Variants in XYLT1 observed in about 807,000 individuals in gnomAD.
XYLT1 encodes the protein beta-D-xylosyltransferase 1.
In XYLT1, 36 loss-of-function variants were observed where a neutral mutation model predicts 91.3. The ratio of observed to expected loss-of-function variants is 0.39; its 90% CI spans 0.30 to 0.52. The LOEUF (loss-of-function observed/expected upper bound fraction) is 0.52. XYLT1 is among the 20% of genes least tolerant of loss of function. XYLT1 has a pLI of 0.68. For missense variants in XYLT1, 1,242 were observed against 1,284.5 expected (o/e 0.97, Z 0.51); for synonymous variants, 588 against 532.0 (o/e 1.11, Z -1.45).
At position 17,200,509 on chromosome 16, in the gene XYLT1, G is replaced by A. The variant is rs2032519405; in HGVS notation, c.1059C>T (p.Asp353=). ...QRMFKAIYHK[D]HFYYIHVDKR... ...TGTCCACGTGGATGTAGTAGAAGTG[G>A]TCTTTGTGGTAGATGGCCTTGAACA... The change falls in exon 4 of 12, where the codon GAC becomes GAT. Residue 353 remains aspartate, a synonymous_variant. Transcript: ENST00000261381. 6.2e-7 allele frequency: 1 copy of A among 1,613,998 alleles called. No homozygotes were observed. The highest frequency in any genetic ancestry group is 1.1e-5 in the South Asian group (1 of 91,086).
Position 17,107,082 on chromosome 16 carries a change from A to AT in XYLT1, c.*1612dup, listed in dbSNP as rs1966787480. On this transcript the variant is annotated 3_prime_UTR_variant, in exon 12 of 12. Coordinates refer to ENST00000261381, the MANE Select transcript of XYLT1 (RefSeq NM_022166.4). ...CAAGCTGCAAAAACAGCACCTACTA[A>AT]TTAGTCATCGACTAAAACATGTAAA... The AT allele has an allele frequency of 6.6e-6, 1 of 152,166 alleles. No individual in the cohort carries two copies. Among genetic ancestry groups the AT allele is most frequent in the Non-Finnish European group, 1.5e-5 (1 of 68,028 alleles). The allele number at this position is 152,166 out of a possible 1,614,324, so 9.4% of individuals were successfully genotyped here. A position where few individuals can be genotyped will look rare whatever the true frequency, so the allele number is the denominator to read the frequency against.
At chr16:17,145,268 T>C (rs761850031) in intron 6 of XYLT1, among the ~76,000 whole-genome samples, 3 of 152,206 alleles carry the variant, frequency 2.0e-5, no homozygotes, top group Non-Finnish European at 4.4e-5. Context: ...TTGCTTTACT[T>C]TGGACTCATC....
intron 1 of XYLT1, among the ~76,000 whole-genome samples, chr16:17,419,072 T>A (rs2036217440): frequency 1.3e-5 from 2 of 152,006 alleles, no homozygotes; most frequent in Admixed American, 1.3e-4. Context: ...TCTTTCAATT[T>A]AGCAGTAAGC....
rs1374809963 is a variant in XYLT1 at position 17,470,849 on chromosome 16, C to A, written c.-53G>T. On this transcript the variant is annotated 5_prime_UTR_variant, in exon 1 of 12. Transcript: ENST00000261381. ...GCGGGGACCCCGGCACGCTCCGGGC[C>A]GCCCCCGCGCTCCCCGCAGCTCCCG... The A allele has an allele frequency of 2.0e-4, 170 of 840,816 alleles. No individual in the cohort carries two copies. The highest frequency in any genetic ancestry group is 2.2e-4 in the Non-Finnish European group (165 of 765,830). 52.1% of individuals were successfully genotyped at this position (840,816 alleles called of 1,614,324 possible). A position where few individuals can be genotyped will look rare whatever the true frequency, so the allele number is the denominator to read the frequency against.
rs569053894 is a variant in XYLT1 at position 17,299,698 on chromosome 16, G to C, written c.403-40200C>G. 2.0e-5 allele frequency among the ~76,000 whole-genome samples: 3 copies of C among 152,212 alleles called. No homozygotes were observed. In the South Asian group the frequency reaches 6.2e-4, roughly 32 times the overall value. On this transcript the variant is annotated intron_variant, in intron 2 of 11. Transcript: ENST00000261381. ...TTTTTGTCCCCTGCAGAATTGAATG[G>C]GGGCCACTCATGCTAGATTTCCCTA...
chr16:17,433,646 G>A (rs2036417743), intron 1 of XYLT1, among the ~76,000 whole-genome samples: 1 of 152,220 alleles, frequency 6.6e-6, no homozygotes, highest in Admixed American at 6.5e-5. Flanking sequence ...GTGCTGGGTA[G>A]TTGAGCCTAC....
At chr16:17,430,508 A>C (rs927339908) in intron 1 of XYLT1, among the ~76,000 whole-genome samples, 2 of 152,168 alleles carry the variant, frequency 1.3e-5, no homozygotes, top group Non-Finnish European at 2.9e-5. Context: ...AAAAATTATA[A>C]ATTTCAAGAT....
intron 1 of XYLT1, among the ~76,000 whole-genome samples, chr16:17,463,131 G>A (rs1171832791): frequency 6.6e-6 from 1 of 151,960 alleles, no homozygotes; most frequent in Non-Finnish European, 1.5e-5. Context: ...GACGACTAGA[G>A]AAAAAAACAT....
intron 3 of XYLT1, among the ~76,000 whole-genome samples, chr16:17,217,031 C>G (rs1193613644): frequency 1.3e-5 from 2 of 152,208 alleles, no homozygotes; most frequent in Non-Finnish European, 2.9e-5. Flanking sequence ...TTGGAACATA[C>G]AGTAAATTCC....
chr16:17,221,631 C>T (rs1035542545), intron 3 of XYLT1, among the ~76,000 whole-genome samples: 3 of 152,060 alleles, frequency 2.0e-5, no homozygotes, highest in South Asian at 2.1e-4. Flanking sequence ...CCCAGCTCTT[C>T]GGGAGGCTGA....
Position 17,101,935 on chromosome 16 carries a change from A to G in XYLT1, c.*6760T>C, listed in dbSNP as rs555351326. ...AGAGGAAAGGAAAACACGTTTGCCA[A>G]CCAACCAACCAGTTGGGTATAGGAA... is the stretch of plus-strand genomic sequence containing the variant. On this transcript the variant is annotated 3_prime_UTR_variant, in exon 12 of 12. Transcript: ENST00000261381. 18 of 152,364 alleles carry G rather than the reference A, an allele frequency of 1.2e-4. No homozygotes were observed. The East Asian group carries it at 1.5e-3, about 13-fold the overall frequency. 9.4% of individuals were successfully genotyped at this position (152,364 alleles called of 1,614,324 possible).
chr16:17,282,794 A>G (rs2034077075), intron 2 of XYLT1, among the ~76,000 whole-genome samples: 1 of 152,230 alleles, frequency 6.6e-6, no homozygotes, highest in African/African-American at 2.4e-5. Context: ...TGTGTGTATG[A>G]ATATTTTTAT....
intron 1 of XYLT1, among the ~76,000 whole-genome samples, chr16:17,465,630 C>G (rs1814732979): frequency 6.6e-6 from 1 of 151,168 alleles, no homozygotes; most frequent in Admixed American, 6.6e-5. Flanking sequence ...ATACAGCAGG[C>G]ACTCAATAAA....
At chr16:17,377,909 C>G (rs1051280640) in intron 1 of XYLT1, among the ~76,000 whole-genome samples, 1 of 152,166 alleles carries the variant, frequency 6.6e-6, no homozygotes, top group African/African-American at 2.4e-5. Flanking sequence ...AGCAAAGAAC[C>G]TGGAGCCCAT....
At chr16:17,215,765 G>A (rs541336315) in intron 3 of XYLT1, among the ~76,000 whole-genome samples, 2 of 152,274 alleles carry the variant, frequency 1.3e-5, no homozygotes, top group South Asian at 4.1e-4. Flanking sequence ...TGTCACGAAT[G>A]ATAGTATGGT....
intron 2 of XYLT1, among the ~76,000 whole-genome samples, chr16:17,352,456 A>G (rs1392541306): frequency 6.6e-6 from 1 of 152,218 alleles, no homozygotes; most frequent in Non-Finnish European, 1.5e-5. Context: ...TCTTGACATT[A>G]TAATGACACA....
intron 2 of XYLT1, among the ~76,000 whole-genome samples, chr16:17,293,872 C>A (rs545928081): frequency 8.8e-4 from 134 of 152,278 alleles, no homozygotes; most frequent in African/African-American, 3.2e-3. Flanking sequence ...AGGCAAGAAA[C>A]CCTGGACGCA....
At chr16:17,346,424 C>T (rs2141851796) in intron 2 of XYLT1, among the ~76,000 whole-genome samples, 1 of 152,322 alleles carries the variant, frequency 6.6e-6, no homozygotes, top group East Asian at 1.9e-4. Flanking sequence ...GAACCAGTGA[C>T]CCCATCCCGA....
At chr16:17,285,196 A>G (rs1426117069) in intron 2 of XYLT1, among the ~76,000 whole-genome samples, 3 of 152,162 alleles carry the variant, frequency 2.0e-5, no homozygotes, top group Non-Finnish European at 4.4e-5. Context: ...AAAATGCACA[A>G]GTGATGGGAA....
Sources: allele counts gnomAD v4.1 joint callset (sites outside exome capture counted in the v4.1 genomes callset), GRCh38; gene constraint gnomAD v4.1.1; transcripts MANE v1.5; gene names NCBI Gene and HGNC (gene_info 2026-07-23, HGNC 2026-07-21).